KCNN2: variants seen among roughly 807,000 people sequenced by gnomAD.
KCNN2 encodes the protein potassium calcium-activated channel subfamily N member 2.
KCNN2 carries 24 observed loss-of-function variants against 55.5 expected under a neutral mutation model. The observed-to-expected ratio is 0.43, with a 90% CI of 0.31 to 0.61. The LOEUF is 0.61. KCNN2 is among the 20% of genes least tolerant of loss of function. The pLI is 0.08. For missense variants in KCNN2, 754 were observed against 853.6 expected (o/e 0.88, Z 1.45); for synonymous variants, 431 against 336.1 (o/e 1.28, Z -3.09).
intron 3 of KCNN2, among the ~76,000 whole-genome samples, chr5:114,441,143 A>C (rs948068849): frequency 6.6e-6 from 1 of 152,208 alleles, no homozygotes; most frequent in African/African-American, 2.4e-5. Flanking sequence ...AGTTGTAATA[A>C]TTCTAAACTT....
intron 1 of KCNN2, among the ~76,000 whole-genome samples, chr5:114,167,554 G>A (rs574321326): frequency 2.0e-5 from 3 of 151,980 alleles, no homozygotes; most frequent in Admixed American, 2.0e-4. Flanking sequence ...CCTACTTAAG[G>A]CTAATAATCT....
intron 2 of KCNN2, among the ~76,000 whole-genome samples, chr5:114,371,270 C>A (rs553521792): frequency 6.6e-6 from 1 of 151,764 alleles, no homozygotes; most frequent in Non-Finnish European, 1.5e-5. Context: ...AAGTCTGTAC[C>A]GGATATTTAA....
chr5:114,145,345 A>G (rs965293489), intron 1 of KCNN2, among the ~76,000 whole-genome samples: 1 of 152,200 alleles, frequency 6.6e-6, no homozygotes, highest in African/African-American at 2.4e-5. Flanking sequence ...CAATCCTTCC[A>G]TATTAATTTG....
intron 3 of KCNN2, among the ~76,000 whole-genome samples, chr5:114,449,236 C>T (rs1270206253): frequency 6.6e-6 from 1 of 152,148 alleles, no homozygotes; most frequent in African/African-American, 2.4e-5. Context: ...TCCTCTCCTT[C>T]TCCAGCCCTC....
intron 2 of KCNN2, among the ~76,000 whole-genome samples, chr5:114,384,936 C>A (rs1758230630): frequency 6.6e-6 from 1 of 152,020 alleles, no homozygotes; most frequent in Non-Finnish European, 1.5e-5. Context: ...TATTCAGTTT[C>A]AAAAATAATC....
intron 1 of KCNN2, among the ~76,000 whole-genome samples, chr5:114,186,905 A>G (rs977034259): frequency 6.6e-6 from 1 of 152,210 alleles, no homozygotes; most frequent in Non-Finnish European, 1.5e-5. Context: ...TAAGGCCAAT[A>G]TAACCTTAAC....
intron 2 of KCNN2, among the ~76,000 whole-genome samples, chr5:114,384,385 A>G (rs1758215785): frequency 6.6e-6 from 1 of 152,212 alleles, no homozygotes; most frequent in African/African-American, 2.4e-5. Flanking sequence ...GGGGTTGTTC[A>G]GAAAGAGCTA....
chr5:114,492,751 G>A (rs1747921568), intron 6 of KCNN2, among the ~76,000 whole-genome samples: 1 of 152,012 alleles, frequency 6.6e-6, no homozygotes, highest in African/African-American at 2.4e-5. Flanking sequence ...CACTGAAAAT[G>A]GGAATTTTTC....
intron 3 of KCNN2, among the ~76,000 whole-genome samples, chr5:114,424,455 A>G (rs1295900058): frequency 6.6e-6 from 1 of 152,246 alleles, no homozygotes; most frequent in Non-Finnish European, 1.5e-5. Context: ...ATTCATCTCA[A>G]ATACCTCCTA....
At chr5:114,109,374 A>T (rs1751549633) in intron 1 of KCNN2, among the ~76,000 whole-genome samples, 1 of 152,058 alleles carries the variant, frequency 6.6e-6, no homozygotes, top group Admixed American at 6.6e-5. Context: ...CATCTTAACA[A>T]CTTTGCCTTA....
intron 1 of KCNN2, among the ~76,000 whole-genome samples, chr5:114,198,593 C>T (rs1034707814): frequency 1.9e-4 from 29 of 151,926 alleles, no homozygotes; most frequent in African/African-American, 7.0e-4. Flanking sequence ...CATTTAAATA[C>T]ATGATTTCTT....
At chr5:114,363,836 A>C (rs1757524415) in intron 1 of KCNN2, 70 bp from the exon 2 acceptor site, 1 of 1,083,420 alleles carries the variant, frequency 9.2e-7, no homozygotes, top group South Asian at 1.3e-5. Context: ...GGACTGACTG[A>C]CTCTGGGGAC....
intron 1 of KCNN2, among the ~76,000 whole-genome samples, chr5:114,105,848 G>A (rs894505241): frequency 1.3e-4 from 19 of 151,564 alleles, no homozygotes; most frequent in African/African-American, 4.6e-4. Flanking sequence ...TGTCTGGGTT[G>A]GTTAAAAGCA....
At chr5:114,312,937 A>T (rs544397538) in intron 2 of KCNN2, among the ~76,000 whole-genome samples, 41 of 152,244 alleles carry the variant, frequency 2.7e-4, no homozygotes, top group African/African-American at 9.6e-4. Context: ...AGTTAATTAC[A>T]TTTTAAGCTA....
chr5:114,302,520 T>C (rs935250894), intron 2 of KCNN2, among the ~76,000 whole-genome samples: 2 of 152,092 alleles, frequency 1.3e-5, no homozygotes, highest in African/African-American at 4.8e-5. Context: ...TATTAGGGTT[T>C]TGGAAGTAAT....
At chr5:114,100,101 AGAAAG>A in intron 1 of KCNN2, among the ~76,000 whole-genome samples, 1 of 152,200 alleles carries the variant, frequency 6.6e-6, no homozygotes, top group Middle Eastern at 3.4e-3. Context: ...TGAAAACAGT[AGAAAG>A]GAATGAGACC....
chr5:114,485,080 G>A (rs1370739280), intron 5 of KCNN2, among the ~76,000 whole-genome samples: 1 of 152,188 alleles, frequency 6.6e-6, no homozygotes, highest in Admixed American at 6.5e-5. Flanking sequence ...ATTGACTTTA[G>A]AAATAATTTG....
At chr5:114,164,663 A>G (rs1439529406) in intron 1 of KCNN2, among the ~76,000 whole-genome samples, 3 of 152,178 alleles carry the variant, frequency 2.0e-5, no homozygotes, top group South Asian at 4.1e-4. Context: ...TTGGAATTCT[A>G]TGACTGGAAT....
chr5:114,068,664 C>T (rs1750500628), intron 1 of KCNN2, among the ~76,000 whole-genome samples: 1 of 152,232 alleles, frequency 6.6e-6, no homozygotes, highest in Admixed American at 6.5e-5. Context: ...CCCAGAGGGT[C>T]CAGGGAAAAT....
Sources: allele counts gnomAD v4.1 joint callset (sites outside exome capture counted in the v4.1 genomes callset), GRCh38; gene constraint gnomAD v4.1.1; transcripts MANE v1.5; gene names NCBI Gene and HGNC (gene_info 2026-07-23, HGNC 2026-07-21).